Variants in TASP1 observed in about 807,000 individuals in gnomAD.
TASP1 encodes the protein threonine aspartase 1.
A neutral mutation model predicts 56.6 loss-of-function variants in TASP1; 16 were observed. The ratio of observed to expected loss-of-function variants is 0.28; its 90% confidence interval spans 0.19 to 0.43. TASP1 has a LOEUF of 0.43. Among genes scored for constraint, TASP1 ranks in the 20% least tolerant of loss-of-function variants. TASP1 has a pLI of 1.00. For synonymous variants in TASP1, 179 were observed against 184.2 expected (o/e 0.97, Z 0.23); for missense variants, 393 against 511.6 (o/e 0.77, Z 2.24).
the TASP1 span, among the ~76,000 whole-genome samples, chr20:13,375,247 C>T: frequency 2.0e-5 from 3 of 151,460 alleles, no homozygotes; most frequent in African/African-American, 7.3e-5. Flanking sequence ...CCCCACCCCC[C>T]AACAGGCTCT....
intron 5 of TASP1, among the ~76,000 whole-genome samples, chr20:13,582,089 A>G (rs986254938): frequency 6.6e-6 from 1 of 151,698 alleles, no homozygotes; most frequent in African/African-American, 2.4e-5. Context: ...AATGTAGCTC[A>G]ATACCAAATC....
the TASP1 span, among the ~76,000 whole-genome samples, chr20:13,375,898 T>A: frequency 6.6e-6 from 1 of 152,176 alleles, no homozygotes; most frequent in Non-Finnish European, 1.5e-5. Context: ...TGTCTGTTCA[T>A]ATCCTTCACC....
chr20:13,415,714 T>C (rs1385969003), intron 13 of TASP1, among the ~76,000 whole-genome samples: 1 of 152,152 alleles, frequency 6.6e-6, no homozygotes, highest in Admixed American at 6.5e-5. Flanking sequence ...CTACCTATAT[T>C]TCACATTAAA....
the TASP1 span, among the ~76,000 whole-genome samples, chr20:13,316,927 C>T: frequency 2.6e-5 from 4 of 151,590 alleles, no homozygotes; most frequent in African/African-American, 9.7e-5. Context: ...ACTACAAGTC[C>T]TATCTAATGC....
chr20:13,590,770 G>A (rs2047500864), intron 4 of TASP1, among the ~76,000 whole-genome samples: 2 of 152,076 alleles, frequency 1.3e-5, no homozygotes, highest in Non-Finnish European at 2.9e-5. Context: ...GGAAGCTGAG[G>A]CAGGAGAATC....
At chr20:13,571,382 A>G (rs2046707252) in intron 6 of TASP1, among the ~76,000 whole-genome samples, 1 of 152,258 alleles carries the variant, frequency 6.6e-6, no homozygotes, top group African/African-American at 2.4e-5. Context: ...CATTGAATGC[A>G]GCACCGATTC....
downstream of TASP1, among the ~76,000 whole-genome samples, chr20:13,385,817 G>A (rs560916188): frequency 1.5e-4 from 23 of 152,292 alleles, 1 homozygote; most frequent in South Asian, 3.7e-3. Flanking sequence ...CGGTATTATC[G>A]CACCCAAGTA....
At chr20:13,185,127 A>G in the TASP1 span, among the ~76,000 whole-genome samples, 1 of 152,214 alleles carries the variant, frequency 6.6e-6, no homozygotes, top group Non-Finnish European at 1.5e-5. Context: ...CATATAATAA[A>G]TACATAAAGA....
At chr20:13,372,638 GAT>G in the TASP1 span, among the ~76,000 whole-genome samples, 1 of 151,424 alleles carries the variant, frequency 6.6e-6, no homozygotes, top group African/African-American at 2.4e-5. Flanking sequence ...TGTTATTATT[GAT>G]ATAGTTAGAT....
chr20:13,199,218 TTTTTG>T, the TASP1 span, among the ~76,000 whole-genome samples: 1 of 152,104 alleles, frequency 6.6e-6, no homozygotes, highest in African/African-American at 2.4e-5. Context: ...GTTTTCCTTT[TTTTTG>T]TTTTGTTTTG....
chr20:13,247,766 C>T, the TASP1 span, among the ~76,000 whole-genome samples: 1 of 152,012 alleles, frequency 6.6e-6, no homozygotes, highest in African/African-American at 2.4e-5. Context: ...GACTTACAGC[C>T]CCTGAGGCTC....
In TASP1 at chr20:13,597,979, T is replaced by C. The variant is rs1376305978; in HGVS notation, c.283-10609A>G. Among the ~76,000 whole-genome samples the C allele has an allele frequency of 2.0e-5, 3 of 151,852 alleles. No individual in the cohort carries two copies. In the South Asian group the frequency reaches 6.2e-4, roughly 31 times the overall value. The stretch of plus-strand genomic sequence containing the variant: ...ACCTAGGAATCCAACTTACAAGGGA[T>C]GTGAAGGACCTCTTCAAGGAGAACT... On this transcript the variant is annotated intron_variant, in intron 4 of 13. Transcript: ENST00000337743.
At chr20:13,495,772 T>G (rs1263626901) in intron 10 of TASP1, among the ~76,000 whole-genome samples, 2 of 152,166 alleles carry the variant, frequency 1.3e-5, no homozygotes, top group Non-Finnish European at 2.9e-5. Context: ...TTAAATTTAT[T>G]TATTTAATTT....
At chr20:13,503,085 T>G (rs1232949875) in intron 10 of TASP1, among the ~76,000 whole-genome samples, 1 of 151,698 alleles carries the variant, frequency 6.6e-6, no homozygotes, top group African/African-American at 2.4e-5. Flanking sequence ...AATACTGAAG[T>G]GATTGGCACA....
chr20:13,638,150 A>G (rs1257973848), intron 1 of TASP1, among the ~76,000 whole-genome samples: 1 of 152,228 alleles, frequency 6.6e-6, no homozygotes, highest in South Asian at 2.1e-4. Context: ...GTGGTGGGGA[A>G]AAGTTTTATT....
chr20:13,281,792 G>A, the TASP1 span, among the ~76,000 whole-genome samples: 29 of 152,306 alleles, frequency 1.9e-4, no homozygotes, highest in Middle Eastern at 3.4e-3. Flanking sequence ...ATTGCACAGC[G>A]TTTGTGGCTT....
the TASP1 span, among the ~76,000 whole-genome samples, chr20:13,344,745 A>G: frequency 6.6e-6 from 1 of 152,118 alleles, no homozygotes. Context: ...AGGGCCTTGT[A>G]TTCCCAACGT....
the TASP1 span, among the ~76,000 whole-genome samples, chr20:13,190,458 G>A: frequency 2.0e-5 from 3 of 152,124 alleles, no homozygotes; most frequent in Admixed American, 2.0e-4. Context: ...TTCCAACAAA[G>A]GTACCAAAAA....
intron 11 of TASP1, among the ~76,000 whole-genome samples, chr20:13,468,989 GATGGGAT>G (rs1031786750): frequency 9.2e-5 from 14 of 151,912 alleles, no homozygotes; most frequent in African/African-American, 3.4e-4. Context: ...AGCTCCCAAT[GATGGGAT>G]GGCACTAACC....
Sources: allele counts gnomAD v4.1 joint callset (sites outside exome capture counted in the v4.1 genomes callset), GRCh38; gene constraint gnomAD v4.1.1; transcripts MANE v1.5; gene names NCBI Gene and HGNC (gene_info 2026-07-23, HGNC 2026-07-21).